ITCH: variants seen among roughly 807,000 people sequenced by gnomAD.
The protein encoded by ITCH is E3 ubiquitin-protein ligase Itchy homolog.
ITCH carries 28 observed loss-of-function variants against 126.8 expected under a neutral mutation model. The observed-to-expected ratio is 0.22, with a 90% CI of 0.16 to 0.30. The LOEUF (loss-of-function observed/expected upper bound fraction) is 0.30, where lower values mean the gene tolerates loss of function less well. Ranked by LOEUF, ITCH falls within the 10% of genes least tolerant of loss-of-function variation. ITCH has a pLI of 1.00. For missense variants in ITCH, 631 were observed against 1,032.4 expected (o/e 0.61, Z 5.33); for synonymous variants, 342 against 340.0 (o/e 1.01, Z -0.06).
intron 23 of ITCH, among the ~76,000 whole-genome samples, chr20:34,501,667 C>T (rs922138640): frequency 6.6e-6 from 1 of 151,266 alleles, no homozygotes; most frequent in Non-Finnish European, 1.5e-5. Context: ...CCCAGCTACT[C>T]AGGAGGCTGA....
intron 2 of ITCH, among the ~76,000 whole-genome samples, chr20:34,387,795 C>T (rs1231505142): frequency 2.0e-5 from 3 of 152,058 alleles, no homozygotes; most frequent in African/African-American, 7.2e-5. Context: ...ACCTCCGCCT[C>T]CTGGGTTCAA....
At chr20:34,475,661 G>A (rs1490613943) in intron 16 of ITCH, among the ~76,000 whole-genome samples, 2 of 151,628 alleles carry the variant, frequency 1.3e-5, no homozygotes, top group Non-Finnish European at 2.9e-5. Flanking sequence ...GAGGGAGAGC[G>A]AGACCGTGGG....
At chr20:34,398,136 C>G (rs1273169139) in intron 3 of ITCH, among the ~76,000 whole-genome samples, 1 of 151,888 alleles carries the variant, frequency 6.6e-6, no homozygotes. Context: ...GATCATGGCT[C>G]ACTGCAACCT....
At chr20:34,423,205 G>A (rs1011157051) in intron 6 of ITCH, among the ~76,000 whole-genome samples, 1 of 152,006 alleles carries the variant, frequency 6.6e-6, no homozygotes, top group Non-Finnish European at 1.5e-5. Flanking sequence ...ATGTTTTTGA[G>A]GTTCATCCAT....
intron 24 of ITCH, 105 bp from the exon 25 acceptor site, chr20:34,507,590 A>G: frequency 1.2e-6 from 1 of 832,710 alleles, no homozygotes; most frequent in East Asian, 2.6e-5. Context: ...GAAGCACAGT[A>G]GTATATTTTT....
chr20:34,390,036 G>A (rs553609036), intron 2 of ITCH, among the ~76,000 whole-genome samples: 6 of 151,942 alleles, frequency 3.9e-5, no homozygotes, highest in South Asian at 4.1e-4. Context: ...CAGGAGAGTC[G>A]CTTGAACCTG....
chr20:34,369,187 G>A (rs2037527754), intron 1 of ITCH, among the ~76,000 whole-genome samples: 1 of 152,090 alleles, frequency 6.6e-6, no homozygotes, highest in Non-Finnish European at 1.5e-5. Context: ...AGTTAGCCAG[G>A]CGTGGGGGTG....
chr20:34,428,805 A>G (rs879647009), intron 7 of ITCH, among the ~76,000 whole-genome samples: 3 of 152,162 alleles, frequency 2.0e-5, no homozygotes, highest in Non-Finnish European at 4.4e-5. Context: ...GAGGTTCTCT[A>G]TCCTGTCCAT....
At chr20:34,388,445 C>G (rs888723913) in intron 2 of ITCH, among the ~76,000 whole-genome samples, 1 of 151,806 alleles carries the variant, frequency 6.6e-6, no homozygotes, top group African/African-American at 2.4e-5. Flanking sequence ...ATTGCAGTGG[C>G]CTTATCACAG....
intron 6 of ITCH, among the ~76,000 whole-genome samples, chr20:34,423,019 TC>T (rs1249690443): frequency 1.3e-5 from 2 of 152,192 alleles, no homozygotes; most frequent in Non-Finnish European, 2.9e-5. Flanking sequence ...GGTCTCAAGT[TC>T]CTGACCTCAG....
chr20:34,438,747 AGATTTTG>A, intron 8 of ITCH, 116 bp downstream of exon 8: 1 of 1,338,586 alleles, frequency 7.5e-7, no homozygotes, highest in Non-Finnish European at 1.1e-6. Flanking sequence ...TTTACATTTA[AGATTTTG>A]GAAAAGAATG....
At chr20:34,408,838 G>T (rs1286071717) in intron 4 of ITCH, 46 bp downstream of exon 4, 1 of 1,579,288 alleles carries the variant, frequency 6.3e-7, no homozygotes, top group Non-Finnish European at 8.7e-7. Context: ...TTTAGTAGAT[G>T]ATTGGAAATA....
At chr20:34,400,053 G>A (rs573721426) in intron 3 of ITCH, among the ~76,000 whole-genome samples, 115 of 151,732 alleles carry the variant, frequency 7.6e-4, no homozygotes, top group Admixed American at 1.9e-3. Flanking sequence ...ATTTTTCTGC[G>A]TCAGCCTCCT....
At chr20:34,421,088 A>G (rs932429889) in intron 6 of ITCH, among the ~76,000 whole-genome samples, 2 of 152,144 alleles carry the variant, frequency 1.3e-5, no homozygotes, top group African/African-American at 2.4e-5. Context: ...TGCTCACTGC[A>G]TACTTGTGTC....
chr20:34,475,401 C>T (rs1165655943), intron 16 of ITCH, among the ~76,000 whole-genome samples: 2 of 152,144 alleles, frequency 1.3e-5, no homozygotes, highest in African/African-American at 2.4e-5. Flanking sequence ...GTCTGCAATC[C>T]CGGCACCTCG....
chr20:34,397,204 A>T, intron 3 of ITCH, among the ~76,000 whole-genome samples: 1 of 151,878 alleles, frequency 6.6e-6, no homozygotes, highest in African/African-American at 2.4e-5. Flanking sequence ...TGCATTTTTA[A>T]TAGAGACGAG....
At chr20:34,428,163 A>G (rs1028108092) in intron 7 of ITCH, among the ~76,000 whole-genome samples, 1 of 152,218 alleles carries the variant, frequency 6.6e-6, no homozygotes, top group African/African-American at 2.4e-5. Context: ...AGGTTTGAAA[A>G]GCATTTTGTA....
chr20:34,426,875 A>C lies in ITCH; in HGVS notation c.521+2350A>C, dbSNP rs146363578. The stretch of plus-strand genomic sequence containing the variant: ...CTACAACCTCCACCTCACAGGTTCA[A>C]GCAATTCTCCTGGCTCAGCCTCCCG... On this transcript the variant is annotated intron_variant, in intron 7 of 24. Coordinates refer to ENST00000374864, the MANE Select transcript of ITCH (RefSeq NM_031483.7). Among the ~76,000 whole-genome samples, 130 of 152,190 alleles carry C rather than the reference A, an allele frequency of 8.5e-4. 1 individual carries two copies. The highest frequency in any genetic ancestry group is 2.7e-3 in the African/African-American group (112 of 41,512).
intron 6 of ITCH, among the ~76,000 whole-genome samples, chr20:34,418,073 C>T (rs940670277): frequency 2.0e-5 from 3 of 150,174 alleles, no homozygotes; most frequent in African/African-American, 7.4e-5. Context: ...CTCAAGTGAT[C>T]CTTCCACCTC....
Sources: allele counts gnomAD v4.1 joint callset (sites outside exome capture counted in the v4.1 genomes callset), GRCh38; gene constraint gnomAD v4.1.1; transcripts MANE v1.5; gene names NCBI Gene and HGNC (gene_info 2026-07-23, HGNC 2026-07-21).